The following NAALADL2 variants were observed in gnomAD, a reference collection of about 807,000 sequenced individuals.
NAALADL2 encodes N-acetylated alpha-linked acidic dipeptidase like 2, also known as inactive N-acetylated-alpha-linked acidic dipeptidase-like protein 2.
NAALADL2 carries 76 observed loss-of-function variants against 87.2 expected under a neutral mutation model. That is an observed-to-expected ratio of 0.87 (90% CI 0.72 to 1.05). The LOEUF (loss-of-function observed/expected upper bound fraction) is 1.05, where lower values mean the gene tolerates loss of function less well. Ranked by LOEUF, NAALADL2 falls within the 50% of genes least tolerant of loss-of-function variation. The probability of loss-of-function intolerance (pLI) is 0.00; values close to 1 mark genes in which losing one functional copy is unlikely to be tolerated. For missense variants in NAALADL2, 1,089 were observed against 945.8 expected (o/e 1.15, Z -1.99); for synonymous variants, 354 against 331.0 (o/e 1.07, Z -0.75).
intron 3 of NAALADL2, among the ~76,000 whole-genome samples, chr3:174,846,210 T>C (rs762778369): frequency 2.0e-5 from 3 of 152,166 alleles, no homozygotes; most frequent in Admixed American, 6.5e-5. Flanking sequence ...GCAGGAGAGA[T>C]AGTGTGGCCA....
At chr3:174,879,689 A>C (rs1471258603) in intron 1 of NAALADL2, among the ~76,000 whole-genome samples, 3 of 151,840 alleles carry the variant, frequency 2.0e-5, no homozygotes, top group African/African-American at 2.4e-5. Flanking sequence ...TGGCCTCACT[A>C]CTCATCTCCT....
At chr3:174,962,074 A>T (rs1742091613) in intron 1 of NAALADL2, among the ~76,000 whole-genome samples, 1 of 151,832 alleles carries the variant, frequency 6.6e-6, no homozygotes. Context: ...TCTCTCTTGG[A>T]TAATTCATTG....
intron 13 of NAALADL2, among the ~76,000 whole-genome samples, chr3:175,780,479 G>A (rs1211318634): frequency 6.6e-6 from 1 of 151,750 alleles, no homozygotes; most frequent in East Asian, 1.9e-4. Context: ...CATAAAAATA[G>A]CAAATACTAA....
chr3:175,042,138 T>C (rs973113431), intron 1 of NAALADL2, among the ~76,000 whole-genome samples: 1 of 152,284 alleles, frequency 6.6e-6, no homozygotes, highest in Admixed American at 6.5e-5. Context: ...TTTAGACTTT[T>C]TTTAGATTCC....
chr3:175,413,761 G>A (rs1450753368), intron 5 of NAALADL2, among the ~76,000 whole-genome samples: 6 of 151,762 alleles, frequency 4.0e-5, no homozygotes, highest in African/African-American at 9.7e-5. Flanking sequence ...TTTTTAAATC[G>A]ATTTAAAACA....
At chr3:174,705,778 G>A (rs1578616495) in intron 2 of NAALADL2, among the ~76,000 whole-genome samples, 4 of 91,090 alleles carry the variant, frequency 4.4e-5, no homozygotes, top group East Asian at 3.1e-4. Context: ...GCGAGACTCC[G>A]TCTCAAAAAA....
intron 1 of NAALADL2, among the ~76,000 whole-genome samples, chr3:174,950,206 G>A (rs987028461): frequency 7.2e-5 from 11 of 152,010 alleles, no homozygotes; most frequent in Non-Finnish European, 2.9e-5. Context: ...TGATGAAAGT[G>A]TAGAGTCCTT....
Position 174,531,557 on chromosome 3 carries a change from C to T in NAALADL2, c.-183-19012C>T, listed in dbSNP as rs372048277. 5.9e-5 allele frequency among the ~76,000 whole-genome samples: 9 copies of T among 152,226 alleles called. No homozygotes were observed. The East Asian group carries it at 7.7e-4, about 13-fold the overall frequency. On this transcript the variant is annotated intron_variant, in intron 1 of 3. Transcript: ENST00000434257. ...AGAGTCAATCTTTTGTGAGGATTTT[C>T]GAACTTTCTATCATTCATTTACAGG...
chr3:175,297,840 T>C (rs1756572080), intron 4 of NAALADL2, among the ~76,000 whole-genome samples: 1 of 152,158 alleles, frequency 6.6e-6, no homozygotes, highest in Non-Finnish European at 1.5e-5. Flanking sequence ...TGGGCATGCT[T>C]TTCATTTTAC....
intron 3 of NAALADL2, among the ~76,000 whole-genome samples, chr3:174,801,485 C>T (rs1718825072): frequency 6.6e-6 from 1 of 152,110 alleles, no homozygotes; most frequent in Non-Finnish European, 1.5e-5. Context: ...GTAAATTGCC[C>T]AGTCTCAGGT....
chr3:175,491,567 C>T (rs1374676728), intron 9 of NAALADL2, among the ~76,000 whole-genome samples: 2 of 152,152 alleles, frequency 1.3e-5, no homozygotes, highest in Non-Finnish European at 2.9e-5. Flanking sequence ...TAGTTATTTA[C>T]TGTTTCATTT....
intron 1 of NAALADL2, among the ~76,000 whole-genome samples, chr3:174,896,635 A>G (rs1242314161): frequency 6.6e-6 from 1 of 152,182 alleles, no homozygotes; most frequent in Non-Finnish European, 1.5e-5. Context: ...CAAAATACCA[A>G]TGACATTCTT....
chr3:174,921,598 G>T (rs990760614), intron 1 of NAALADL2, among the ~76,000 whole-genome samples: 1 of 151,866 alleles, frequency 6.6e-6, no homozygotes, highest in African/African-American at 2.4e-5. Context: ...TCAGGAGATC[G>T]AGACCATCCT....
chr3:174,898,636 A>G (rs1209633505), intron 1 of NAALADL2, among the ~76,000 whole-genome samples: 2 of 152,034 alleles, frequency 1.3e-5, no homozygotes, highest in African/African-American at 4.8e-5. Context: ...TACATCTACT[A>G]TGTACTCACA....
chr3:175,184,659 T>C (rs886405789), intron 2 of NAALADL2, among the ~76,000 whole-genome samples: 1 of 152,072 alleles, frequency 6.6e-6, no homozygotes, highest in Admixed American at 6.6e-5. Flanking sequence ...TTGTAGTTAA[T>C]GCTTTGGAGT....
chr3:174,689,748 T>C (rs996029041), intron 2 of NAALADL2, among the ~76,000 whole-genome samples: 23 of 152,224 alleles, frequency 1.5e-4, no homozygotes, highest in African/African-American at 5.5e-4. Context: ...TAGTAGGTAT[T>C]CAATTGGTGG....
intron 1 of NAALADL2, among the ~76,000 whole-genome samples, chr3:175,067,254 T>G (rs1714692323): frequency 6.6e-6 from 1 of 152,098 alleles, no homozygotes; most frequent in South Asian, 2.1e-4. Context: ...GGAACCTAAT[T>G]AAACTGAAGA....
intron 11 of NAALADL2, among the ~76,000 whole-genome samples, chr3:175,654,456 T>G (rs1348434475): frequency 3.3e-5 from 5 of 152,210 alleles, no homozygotes; most frequent in Non-Finnish European, 7.3e-5. Context: ...CATCAAATTC[T>G]CCAGCCTTAG....
chr3:175,677,409 T>G (rs1734947742), intron 11 of NAALADL2, among the ~76,000 whole-genome samples: 1 of 151,982 alleles, frequency 6.6e-6, no homozygotes, highest in South Asian at 2.1e-4. Context: ...GCCTATTTTT[T>G]TATCATTATT....
Sources: gnomAD v4.1 joint callset for allele counts (sites outside exome capture counted in the v4.1 genomes callset) on GRCh38, gnomAD v4.1.1 for gene constraint, MANE v1.5 for transcripts, NCBI Gene and HGNC (gene_info 2026-07-23, HGNC 2026-07-21) for gene names.